Variants in MYLK observed in about 807,000 individuals in gnomAD.
MYLK encodes the protein myosin light chain kinase.
MYLK carries 106 observed loss-of-function variants against 203.4 expected under a neutral mutation model. The observed-to-expected ratio is 0.52, with a 90% CI of 0.45 to 0.61. The LOEUF is 0.61. Among genes scored for constraint, MYLK ranks in the 20% least tolerant of loss-of-function variants. The pLI is 0.00. For missense variants in MYLK, 2,072 were observed against 2,442.3 expected (o/e 0.85, Z 3.20); for synonymous variants, 867 against 959.5 (o/e 0.90, Z 1.78).
chr3:123,846,294 C>T (rs903735716), intron 2 of MYLK, among the ~76,000 whole-genome samples: 1 of 152,188 alleles, frequency 6.6e-6, no homozygotes, highest in African/African-American at 2.4e-5. Flanking sequence ...AGTATAAGCA[C>T]AAACACTGTA....
chr3:123,679,359 C>A (rs1167853681), intron 20 of MYLK, among the ~76,000 whole-genome samples: 1 of 151,610 alleles, frequency 6.6e-6, no homozygotes, highest in Non-Finnish European at 1.5e-5. Context: ...CATCTCTGGG[C>A]AGCTGCCTTC....
chr3:123,718,667 A>C (rs2061987705), intron 13 of MYLK, among the ~76,000 whole-genome samples: 1 of 152,000 alleles, frequency 6.6e-6, no homozygotes. Flanking sequence ...TCCTCACAGC[A>C]CTAAAGATAC....
chr3:123,880,258 T>C (rs1306624395), intron 1 of MYLK, among the ~76,000 whole-genome samples: 1 of 152,132 alleles, frequency 6.6e-6, no homozygotes, highest in African/African-American at 2.4e-5. Flanking sequence ...AAAGATCACA[T>C]TCTGCCTGGC....
intron 31 of MYLK, chr3:123,622,578 C>G (rs2057925976): frequency 1.3e-5 from 2 of 152,072 alleles, no homozygotes; most frequent in African/African-American, 2.4e-5. Context: ...ATGAAGCTAT[C>G]AGAATGAGGA....
intron 9 of MYLK, 125 bp downstream of exon 9, chr3:123,735,273 A>G (rs2062634434): frequency 3.9e-6 from 5 of 1,291,044 alleles, no homozygotes; most frequent in South Asian, 3.6e-5. Context: ...AAATAAAACA[A>G]CATCCTCCAA....
chr3:123,650,298 G>A (rs1194667885), intron 24 of MYLK, among the ~76,000 whole-genome samples: 6 of 152,200 alleles, frequency 3.9e-5, no homozygotes, highest in African/African-American at 4.8e-5. Flanking sequence ...CTCAGCCATC[G>A]TCTGGGCTGC....
At chr3:123,724,869 G>C (rs966627551) in intron 12 of MYLK, among the ~76,000 whole-genome samples, 2 of 152,006 alleles carry the variant, frequency 1.3e-5, no homozygotes, top group Non-Finnish European at 2.9e-5. Flanking sequence ...CTAGCCTCCG[G>C]AGTAGCTGGG....
intron 33 of MYLK, among the ~76,000 whole-genome samples, chr3:123,614,642 T>G (rs1490980095): frequency 6.6e-6 from 1 of 152,184 alleles, no homozygotes; most frequent in Non-Finnish European, 1.5e-5. Context: ...TTTTTATTTT[T>G]TTAAAGTGAT....
At chr3:123,844,461 C>T (rs536917831) in intron 2 of MYLK, among the ~76,000 whole-genome samples, 2 of 152,320 alleles carry the variant, frequency 1.3e-5, no homozygotes, top group Admixed American at 1.3e-4. Context: ...TACATCCTCC[C>T]TGCCTTCAGA....
chr3:123,781,754 A>C (rs1352819914), intron 4 of MYLK, among the ~76,000 whole-genome samples: 2 of 72,656 alleles, frequency 2.8e-5, no homozygotes, highest in Non-Finnish European at 6.1e-5. Context: ...CAGTCCTCAC[A>C]AATGATGGCC....
chr3:123,719,008 A>C (rs2061999726), intron 13 of MYLK, among the ~76,000 whole-genome samples: 1 of 152,164 alleles, frequency 6.6e-6, no homozygotes. Context: ...TTCCCAGAGA[A>C]AGTGACATTT....
chr3:123,654,871 C>T (rs995004084), intron 24 of MYLK, among the ~76,000 whole-genome samples: 8 of 152,126 alleles, frequency 5.3e-5, no homozygotes, highest in South Asian at 4.2e-4. Context: ...CGCATGCCAC[C>T]ATGCCCAGCT....
chr3:123,807,370 A>G (rs966039842), intron 3 of MYLK, among the ~76,000 whole-genome samples: 2 of 151,944 alleles, frequency 1.3e-5, no homozygotes, highest in South Asian at 4.2e-4. Flanking sequence ...CAGAGGTTGC[A>G]GTGGGCTGAG....
chr3:123,830,438 A>C (rs185680888), intron 3 of MYLK, among the ~76,000 whole-genome samples: 1 of 152,352 alleles, frequency 6.6e-6, no homozygotes. Flanking sequence ...ACAAAACAGC[A>C]GGCCCTACAT....
chr3:123,792,425 C>T (rs991358619), intron 4 of MYLK, among the ~76,000 whole-genome samples: 44 of 152,304 alleles, frequency 2.9e-4, no homozygotes, highest in African/African-American at 1.0e-3. Flanking sequence ...AATCCTGTGC[C>T]TATCAGCAGC....
chr3:123,692,188 C>T, intron 19 of MYLK: 1 of 489,824 alleles, frequency 2.0e-6, no homozygotes, highest in Non-Finnish European at 2.7e-6. Context: ...GATGTGTCCT[C>T]CCACCTCCCT....
intron 17 of MYLK, 147 bp from the exon 18 acceptor site, chr3:123,701,152 G>T: frequency 8.5e-7 from 1 of 1,180,232 alleles, no homozygotes; most frequent in Non-Finnish European, 1.2e-6. Flanking sequence ...TGTGTTTATA[G>T]ATGGGAACAT....
intron 3 of MYLK, among the ~76,000 whole-genome samples, chr3:123,801,588 C>T (rs772853416): frequency 1.3e-5 from 2 of 152,158 alleles, no homozygotes; most frequent in Non-Finnish European, 2.9e-5. Flanking sequence ...CTTTTCCCTC[C>T]TCTAGCAATC....
intron 30 of MYLK, among the ~76,000 whole-genome samples, chr3:123,628,544 T>C (rs1301591686): frequency 6.6e-6 from 1 of 152,208 alleles, no homozygotes; most frequent in Non-Finnish European, 1.5e-5. Flanking sequence ...CCCTGCCTCA[T>C]CTAGTCACCT....
Sources: allele counts gnomAD v4.1 joint callset (sites outside exome capture counted in the v4.1 genomes callset), GRCh38; gene constraint gnomAD v4.1.1; transcripts MANE v1.5; gene names NCBI Gene and HGNC (gene_info 2026-07-23, HGNC 2026-07-21).